The following FSTL5 variants were observed in gnomAD, a reference collection of about 807,000 sequenced individuals.
FSTL5 encodes follistatin like 5, also known as follistatin-related protein 5.
FSTL5 carries 62 observed loss-of-function variants against 89.1 expected under a neutral mutation model. That is an observed-to-expected ratio of 0.70 (90% CI 0.57 to 0.86). The LOEUF (loss-of-function observed/expected upper bound fraction) is 0.86, where lower values mean the gene tolerates loss of function less well. FSTL5 is among the 40% of genes least tolerant of loss of function. The pLI, the probability that FSTL5 is intolerant of heterozygous loss-of-function variation, is 0.00. For missense variants in FSTL5, 1,057 were observed against 1,001.6 expected, an observed-to-expected ratio of 1.06 and a Z score of -0.75; for synonymous variants, 383 against 346.2, an observed-to-expected ratio of 1.11 and a Z score of -1.18.
intron 8 of FSTL5, among the ~76,000 whole-genome samples, chr4:161,555,476 G>C (rs1467293986): frequency 6.6e-6 from 1 of 151,476 alleles, no homozygotes; most frequent in African/African-American, 2.4e-5. Context: ...CTTTTTGACA[G>C]ATTTTATTTA....
At chr4:161,761,388 C>A (rs977465661) in intron 5 of FSTL5, among the ~76,000 whole-genome samples, 1 of 152,094 alleles carries the variant, frequency 6.6e-6, no homozygotes, top group South Asian at 2.1e-4. Flanking sequence ...GGGCAGTGTG[C>A]GCGATTCTAC....
chr4:161,428,852 A>AC (rs747009751), intron 15 of FSTL5, among the ~76,000 whole-genome samples: 3 of 151,782 alleles, frequency 2.0e-5, no homozygotes, highest in Non-Finnish European at 4.4e-5. Flanking sequence ...GGAGAGGAAA[A>AC]AGTAAAGGGG....
intron 6 of FSTL5, among the ~76,000 whole-genome samples, chr4:161,710,252 G>A (rs1388718816): frequency 1.3e-5 from 2 of 152,110 alleles, no homozygotes; most frequent in Non-Finnish European, 2.9e-5. Context: ...ACAGGTATGA[G>A]CTACTGCACC....
chr4:161,894,415 C>G (rs550321406), intron 4 of FSTL5, among the ~76,000 whole-genome samples: 6 of 152,142 alleles, frequency 3.9e-5, no homozygotes, highest in Non-Finnish European at 8.8e-5. Context: ...ACAAAATCCT[C>G]TGTTGGTCAT....
At chr4:161,483,109 T>C (rs994217710) in intron 12 of FSTL5, among the ~76,000 whole-genome samples, 1 of 152,298 alleles carries the variant, frequency 6.6e-6, no homozygotes, top group East Asian at 1.9e-4. Flanking sequence ...CTGTCTTCAC[T>C]ACATGCTTAG....
intron 2 of FSTL5, among the ~76,000 whole-genome samples, chr4:162,070,327 C>A (rs539694994): frequency 1.3e-5 from 2 of 151,864 alleles, no homozygotes; most frequent in African/African-American, 4.8e-5. Flanking sequence ...TCTACTTAAT[C>A]ATTTCATAGT....
chr4:161,542,777 A>T, intron 8 of FSTL5, 84 bp from the exon 9 acceptor site: 1 of 748,356 alleles, frequency 1.3e-6, no homozygotes, highest in Non-Finnish European at 1.9e-6. Context: ...CAATAAGATA[A>T]ATAATAAATT....
At chr4:161,386,644 C>T (rs139102945) in intron 15 of FSTL5, 195 bp from the exon 16 acceptor site, 267 of 552,944 alleles carry the variant, frequency 4.8e-4, no homozygotes, top group African/African-American at 4.4e-3. Flanking sequence ...TCTTTCATTA[C>T]ATCCAAATCA....
chr4:161,879,803 A>G (rs1732567533), intron 4 of FSTL5, among the ~76,000 whole-genome samples: 1 of 152,140 alleles, frequency 6.6e-6, no homozygotes, highest in African/African-American at 2.4e-5. Context: ...ACCCTGGGAC[A>G]CTTCCCTATC....
At chr4:161,695,178 C>T (rs570450256) in intron 6 of FSTL5, among the ~76,000 whole-genome samples, 8 of 151,964 alleles carry the variant, frequency 5.3e-5, no homozygotes, top group African/African-American at 1.9e-4. Flanking sequence ...TACACTACAC[C>T]GTATTTGTTG....
At chr4:161,858,321 A>G (rs1376680698) in intron 4 of FSTL5, among the ~76,000 whole-genome samples, 1 of 152,158 alleles carries the variant, frequency 6.6e-6, no homozygotes, top group Admixed American at 6.5e-5. Flanking sequence ...AGGCTATGGT[A>G]TTTTGTTATA....
intron 2 of FSTL5, among the ~76,000 whole-genome samples, chr4:162,036,069 G>A (rs1397285326): frequency 6.6e-6 from 1 of 152,014 alleles, no homozygotes; most frequent in Non-Finnish European, 1.5e-5. Flanking sequence ...CCTAGGCATT[G>A]AGGTCTTATC....
chr4:161,403,068 A>T (rs943141818), intron 15 of FSTL5, among the ~76,000 whole-genome samples: 1 of 152,074 alleles, frequency 6.6e-6, no homozygotes, highest in African/African-American at 2.4e-5. Context: ...TGACCTCGTG[A>T]TTCGCCTGCC....
At position 162,070,193 on chromosome 4, in the gene FSTL5, T is replaced by C. The variant is rs111831255; in HGVS notation, c.127-36535A>G. Among the ~76,000 whole-genome samples the C allele has an allele frequency of 2.2e-3, 336 of 152,058 alleles. 2 individuals are homozygous for C. The highest frequency in any genetic ancestry group is 7.7e-3 in the African/African-American group (320 of 41,538). On this transcript the variant is annotated intron_variant, in intron 2 of 15. Transcript: ENST00000306100. The stretch of plus-strand genomic sequence containing the variant: ...CTATGCAGATCCTTTGCCCACTTTT[T>C]AATGGGATTTTTTGTTTGTTTGTTG...
chr4:162,160,047 G>C, intron 1 of FSTL5, among the ~76,000 whole-genome samples: 1 of 151,756 alleles, frequency 6.6e-6, no homozygotes, highest in East Asian at 1.9e-4. Flanking sequence ...GCATGTTCTA[G>C]GCCATGCCCT....
chr4:161,783,302 AC>A (rs1235730607), intron 4 of FSTL5, among the ~76,000 whole-genome samples: 2 of 152,152 alleles, frequency 1.3e-5, no homozygotes, highest in Admixed American at 6.5e-5. Flanking sequence ...ATATGAAAAG[AC>A]GTGCCTTTTA....
rs1166104154 is a variant in FSTL5 at position 162,151,710 on chromosome 4, A to C, written c.-17+11905T>G. 2.0e-5 allele frequency among the ~76,000 whole-genome samples: 3 copies of C among 152,322 alleles called. No homozygotes were observed. In the East Asian group the frequency reaches 5.8e-4, roughly 29 times the overall value. On this transcript the variant is annotated intron_variant, in intron 1 of 15. Coordinates refer to ENST00000306100, the MANE Select transcript of FSTL5 (RefSeq NM_020116.5). ...ATAGTGTCCTAACCATTTATAAATC[A>C]AATCCATTTAAGGCCAATAATAAAT...
chr4:161,447,084 C>T (rs1043172843), intron 15 of FSTL5, among the ~76,000 whole-genome samples: 1 of 151,952 alleles, frequency 6.6e-6, no homozygotes, highest in Admixed American at 6.6e-5. Context: ...AGCATAAGGA[C>T]CTCTGAGAGA....
intron 1 of FSTL5, among the ~76,000 whole-genome samples, chr4:162,158,869 G>T (rs960197948): frequency 6.6e-6 from 1 of 151,918 alleles, no homozygotes. Flanking sequence ...GCAAATTCAG[G>T]ATCAAAGACC....
Sources: allele counts gnomAD v4.1 joint callset (sites outside exome capture counted in the v4.1 genomes callset), GRCh38; gene constraint gnomAD v4.1.1; transcripts MANE v1.5; gene names NCBI Gene and HGNC (gene_info 2026-07-23, HGNC 2026-07-21).